Variants in FTO observed in about 807,000 individuals in gnomAD.
FTO encodes alpha-ketoglutarate-dependent dioxygenase FTO.
A neutral mutation model predicts 63.9 loss-of-function variants in FTO; 47 were observed. That is an observed-to-expected ratio of 0.74 (90% CI 0.58 to 0.94). FTO has a LOEUF of 0.94. Among genes scored for constraint, FTO ranks in the 40% least tolerant of loss-of-function variants. FTO has a pLI of 0.00. For missense variants in FTO, 562 were observed against 618.1 expected, an observed-to-expected ratio of 0.91 and a Z score of 0.96; for synonymous variants, 207 against 224.4, an observed-to-expected ratio of 0.92 and a Z score of 0.69.
At chr16:53,995,658 A>C (rs2083918745) in intron 8 of FTO, among the ~76,000 whole-genome samples, 1 of 152,236 alleles carries the variant, frequency 6.6e-6, no homozygotes, top group Non-Finnish European at 1.5e-5. Flanking sequence ...AAGCTTTCAG[A>C]GATGACCATG....
At chr16:53,915,653 C>T (rs2081845954) in intron 7 of FTO, among the ~76,000 whole-genome samples, 1 of 152,164 alleles carries the variant, frequency 6.6e-6, no homozygotes, top group Admixed American at 6.5e-5. Context: ...GACTCGAACA[C>T]AGGAGGGAGG....
intron 7 of FTO, among the ~76,000 whole-genome samples, chr16:53,892,831 G>A (rs2081186067): frequency 6.6e-6 from 1 of 152,036 alleles, no homozygotes; most frequent in Admixed American, 6.5e-5. Context: ...GTGGCTGCAA[G>A]GTGTAGTCTC....
chr16:53,966,161 G>A (rs949268855), intron 8 of FTO, among the ~76,000 whole-genome samples: 2 of 152,074 alleles, frequency 1.3e-5, no homozygotes, highest in Non-Finnish European at 2.9e-5. Flanking sequence ...AGCCACCATG[G>A]CAGCTGTAAT....
intron 1 of FTO, among the ~76,000 whole-genome samples, chr16:53,747,632 T>A (rs1024413273): frequency 2.6e-5 from 4 of 152,230 alleles, no homozygotes; most frequent in African/African-American, 7.2e-5. Flanking sequence ...TTCACTTTTT[T>A]AATTGTTTCC....
chr16:53,725,304 A>G (rs2151497363), intron 1 of FTO, among the ~76,000 whole-genome samples: 1 of 152,330 alleles, frequency 6.6e-6, no homozygotes, highest in South Asian at 2.1e-4. Context: ...TTAGATAAGG[A>G]ATTTTCCCAC....
At chr16:54,014,852 T>C (rs9932094) in intron 8 of FTO, among the ~76,000 whole-genome samples, 875 of 37,326 alleles carry the variant, frequency 0.023, no homozygotes, top group African/African-American at 0.14. Context: ...CTCTCTCTCT[T>C]TTTTTTTTTT....
chr16:53,994,947 T>C (rs1178801629), intron 8 of FTO, among the ~76,000 whole-genome samples: 2 of 152,204 alleles, frequency 1.3e-5, no homozygotes, highest in African/African-American at 2.4e-5. Flanking sequence ...TTGGCCAGGC[T>C]GGTCTCAAAC....
At position 54,112,011 on chromosome 16, in the gene FTO, G is replaced by C; in HGVS notation, c.*96G>C. 7.2e-7 allele frequency: 1 copy of C among 1,385,100 alleles called. No homozygotes were observed. Among genetic ancestry groups the C allele is most frequent in the South Asian group, 1.2e-5 (1 of 85,760 alleles). The allele number at this position is 1,385,100 out of a possible 1,614,324, so 85.8% of individuals were successfully genotyped here. On this transcript the variant is annotated 3_prime_UTR_variant, in exon 9 of 9. Transcript: ENST00000471389. The stretch of plus-strand genomic sequence containing the variant: ...AGCAAGAGCAGTGGAGACTTCTCTT[G>C]GCCCCTAGATTGTAGCACCCGGGTC...
chr16:54,081,457 A>G (rs708258), intron 8 of FTO, among the ~76,000 whole-genome samples: 82,458 of 151,918 alleles, frequency 0.54, 23,335 homozygotes, highest in African/African-American at 0.71. Context: ...CAATCAGGAC[A>G]CATTCTTGAG....
intron 7 of FTO, among the ~76,000 whole-genome samples, chr16:53,902,671 C>G (rs564630338): frequency 6.6e-6 from 1 of 152,252 alleles, no homozygotes; most frequent in South Asian, 2.1e-4. Context: ...GAGCCATTTT[C>G]TTCATTGGCT....
intron 8 of FTO, among the ~76,000 whole-genome samples, chr16:53,972,395 A>G (rs1228952077): frequency 1.3e-5 from 2 of 152,198 alleles, no homozygotes; most frequent in South Asian, 2.1e-4. Context: ...TTTTATTTCT[A>G]GTAATCTGTC....
chr16:54,111,855 G>A lies in FTO; in HGVS notation c.1458G>A (p.Pro486=), dbSNP rs150820365. The change falls in exon 9 of 9, where the codon CCG becomes CCA. Residue 486 remains proline, a synonymous_variant. Coordinates refer to ENST00000471389, the MANE Select transcript of FTO (RefSeq NM_001080432.3). ...AGGATGATGCTTCGATGCCTCTGCC[G>A]TTTGACCTCACAGACATCGTTTCAG... ...WEKDDASMPL[P]FDLTDIVSEL... The A allele has an allele frequency of 1.1e-4, 175 of 1,614,126 alleles. 1 individual carries two copies. The highest frequency in any genetic ancestry group is 8.4e-4 in the African/African-American group (63 of 75,022).
chr16:54,091,624 G>A (rs116568655), intron 8 of FTO, among the ~76,000 whole-genome samples: 1 of 152,338 alleles, frequency 6.6e-6, no homozygotes, highest in African/African-American at 2.4e-5. Flanking sequence ...AAATCTGCGG[G>A]TTGGATGGAT....
chr16:53,831,352 G>A (rs919962149), intron 3 of FTO, among the ~76,000 whole-genome samples: 2 of 151,762 alleles, frequency 1.3e-5, no homozygotes, highest in East Asian at 1.9e-4. Flanking sequence ...AGTAAAACTT[G>A]TTTGGTCTTA....
At chr16:53,865,187 C>T (rs745507687) in intron 4 of FTO, among the ~76,000 whole-genome samples, 2 of 152,092 alleles carry the variant, frequency 1.3e-5, no homozygotes, top group Non-Finnish European at 2.9e-5. Flanking sequence ...GACATTGTCC[C>T]AGTCTTTTAT....
rs552245023 is a variant in FTO at position 54,027,875 on chromosome 16, A to G, written c.1365-83887A>G. 9.2e-5 allele frequency among the ~76,000 whole-genome samples: 14 copies of G among 152,218 alleles called. No individual in the cohort carries two copies. The South Asian group carries it at 2.9e-3, about 32-fold the overall frequency. On this transcript the variant is annotated intron_variant, in intron 8 of 8. Coordinates refer to ENST00000471389, the MANE Select transcript of FTO (RefSeq NM_001080432.3). ...CCCTAAGTCCCTCTTGTTTTTTTGTATCAAGACTGAGTTCTCACAAACAAG... is the reference window on the plus strand; with the variant it reads ...CCCTAAGTCCCTCTTGTTTTTTTGTGTCAAGACTGAGTTCTCACAAACAAG...
intron 7 of FTO, among the ~76,000 whole-genome samples, chr16:53,917,709 A>AGTGTGT (rs35549801): frequency 0.027 from 3,913 of 143,082 alleles, 61 homozygotes; most frequent in Admixed American, 0.035. Context: ...AAATTGAGTG[A>AGTGTGT]GTGTGTGTGT....
At chr16:53,859,007 A>G (rs2080092187) in intron 4 of FTO, among the ~76,000 whole-genome samples, 1 of 152,212 alleles carries the variant, frequency 6.6e-6, no homozygotes, top group Non-Finnish European at 1.5e-5. Flanking sequence ...CACTTTAGCC[A>G]GGGCTACCTT....
chr16:54,104,037 T>C (rs28579391), intron 8 of FTO, among the ~76,000 whole-genome samples: 16,450 of 152,186 alleles, frequency 0.11, 1,097 homozygotes, highest in South Asian at 0.18. Flanking sequence ...TTAGATACCA[T>C]GTTAATATGA....
Sources: gnomAD v4.1 joint callset for allele counts (sites outside exome capture counted in the v4.1 genomes callset) on GRCh38, gnomAD v4.1.1 for gene constraint, MANE v1.5 for transcripts, NCBI Gene and HGNC (gene_info 2026-07-23, HGNC 2026-07-21) for gene names.